Variants in SLC4A4 observed in about 807,000 individuals in gnomAD.
SLC4A4 encodes the protein electrogenic sodium bicarbonate cotransporter 1.
In SLC4A4, 27 loss-of-function variants were observed where a neutral mutation model predicts 111.5. That is an observed-to-expected ratio of 0.24 (90% confidence interval 0.18 to 0.33). The LOEUF is 0.33. SLC4A4 is among the 10% of genes least tolerant of loss of function. SLC4A4 has a pLI of 1.00. For synonymous variants in SLC4A4, 443 were observed against 463.4 expected (o/e 0.96, Z 0.57); for missense variants, 909 against 1,315.5 (o/e 0.69, Z 4.78).
intron 1 of SLC4A4, among the ~76,000 whole-genome samples, chr4:71,065,535 C>T (rs559790513): frequency 1.3e-5 from 2 of 152,036 alleles, no homozygotes; most frequent in East Asian, 1.9e-4. Flanking sequence ...GGCTGAAAGA[C>T]GTGATATAAA....
At chr4:71,348,313 TCACACACACA>T (rs35326504) in intron 4 of SLC4A4, among the ~76,000 whole-genome samples, 5,954 of 143,826 alleles carry the variant, frequency 0.041, 394 homozygotes, top group African/African-American at 0.14. Context: ...ACTAATTTAG[TCACACACACA>T]CACACACACA....
intron 3 of SLC4A4, among the ~76,000 whole-genome samples, chr4:71,258,021 T>C (rs1428244019): frequency 1.3e-5 from 2 of 152,196 alleles, no homozygotes; most frequent in Admixed American, 6.5e-5. Flanking sequence ...TATTTCTTCA[T>C]AGAGAGGCAC....
rs139942769 is a variant in SLC4A4, at chr4:71,508,869, C to G, written c.2166+11177C>G. ...GCAAAAATCTTCAACAAAATGCTGG[C>G]AAACCAAATCCAGCAGCACGTCCAG... On this transcript the variant is annotated intron_variant, in intron 16 of 25. Transcript: ENST00000264485. Among the ~76,000 whole-genome samples, 893 of 152,262 alleles carry G rather than the reference C, an allele frequency of 5.9e-3. 10 individuals are homozygous for G. Among genetic ancestry groups the G allele is most frequent in the South Asian group, 0.054 (262 of 4,826 alleles).
chr4:71,278,823 G>A (rs1402208495), intron 3 of SLC4A4, among the ~76,000 whole-genome samples: 4 of 152,040 alleles, frequency 2.6e-5, no homozygotes. Context: ...TACTATTTTT[G>A]CTGTTGAGTT....
upstream of SLC4A4, among the ~76,000 whole-genome samples, chr4:71,183,578 C>T (rs375717775): frequency 6.6e-6 from 1 of 152,142 alleles, no homozygotes; most frequent in Non-Finnish European, 1.5e-5. Flanking sequence ...TATTATCTAT[C>T]GATCTATATC....
At chr4:71,213,726 A>G (rs943940085) in intron 1 of SLC4A4, among the ~76,000 whole-genome samples, 2 of 152,148 alleles carry the variant, frequency 1.3e-5, no homozygotes, top group Admixed American at 6.5e-5. Flanking sequence ...TAATTAGGTT[A>G]TGAGGGTGGA....
intron 7 of SLC4A4, among the ~76,000 whole-genome samples, chr4:71,402,772 G>A (rs925548327): frequency 1.3e-5 from 2 of 152,224 alleles, no homozygotes; most frequent in African/African-American, 4.8e-5. Context: ...AGGTGTCCCT[G>A]AGGGGAACTT....
chr4:71,440,043 G>T (rs552217124), intron 7 of SLC4A4, among the ~76,000 whole-genome samples: 1 of 151,906 alleles, frequency 6.6e-6, no homozygotes, highest in East Asian at 1.9e-4. Flanking sequence ...TTTTGGCCTA[G>T]AATGTTCTTT....
chr4:71,327,729 G>A (rs185617158), intron 3 of SLC4A4, among the ~76,000 whole-genome samples: 7 of 150,646 alleles, frequency 4.6e-5, no homozygotes, highest in Admixed American at 2.0e-4. Context: ...ATATATTTAC[G>A]GGGTACATGA....
At chr4:71,464,288 A>G (rs1727116031) in intron 12 of SLC4A4, among the ~76,000 whole-genome samples, 1 of 152,212 alleles carries the variant, frequency 6.6e-6, no homozygotes, top group African/African-American at 2.4e-5. Context: ...GAATTTGTTC[A>G]TATCACTTAA....
intron 2 of SLC4A4, among the ~76,000 whole-genome samples, chr4:71,129,018 A>G (rs1262713715): frequency 2.0e-5 from 3 of 152,238 alleles, no homozygotes; most frequent in Non-Finnish European, 4.4e-5. Context: ...ACCGTGGAAG[A>G]TAACCTAGGA....
At position 71,357,090 on chromosome 4, in the gene SLC4A4, G is replaced by A. The variant is rs145739451; in HGVS notation, c.633G>A (p.Lys211=). 203 of 1,613,972 alleles carry A rather than the reference G, an allele frequency of 1.3e-4. No individual in the cohort carries two copies. The highest frequency in any genetic ancestry group is 6.7e-5 in the Admixed American group (4 of 59,992). ...KDKVTYTLLR[K]HRHQTKKSNL... ...AGGTGACCTATACTTTGCTCCGGAA[G>A]CACCGGCATCAAACCAAGAAATCCA... is the stretch of plus-strand genomic sequence containing the variant. Residue 211 remains lysine (K), a synonymous_variant, in exon 6 of 26, where the codon AAG becomes AAA. Coordinates refer to ENST00000264485, the MANE Select transcript of SLC4A4 (RefSeq NM_001098484.3).
chr4:71,458,799 A>C (rs1318236397), intron 12 of SLC4A4, among the ~76,000 whole-genome samples: 1 of 152,028 alleles, frequency 6.6e-6, no homozygotes, highest in Non-Finnish European at 1.5e-5. Context: ...GCAAATTGGT[A>C]ATTGCTTTAC....
intron 1 of SLC4A4, among the ~76,000 whole-genome samples, chr4:71,075,459 C>T (rs1741784290): frequency 6.6e-6 from 1 of 152,170 alleles, no homozygotes; most frequent in Non-Finnish European, 1.5e-5. Context: ...ACTTCGTGAT[C>T]TCCAGCTTCA....
At chr4:71,197,137 C>G (rs1042727042) in intron 1 of SLC4A4, among the ~76,000 whole-genome samples, 32 of 152,002 alleles carry the variant, frequency 2.1e-4, no homozygotes, top group African/African-American at 7.3e-4. Context: ...ATTGCTTGAA[C>G]CTGGTAGGTG....
chr4:71,547,269 C>G (rs1735619361), intron 19 of SLC4A4, among the ~76,000 whole-genome samples: 1 of 151,902 alleles, frequency 6.6e-6, no homozygotes, highest in East Asian at 1.9e-4. Flanking sequence ...TAATATCTGT[C>G]TCCTATGAAA....
chr4:71,325,254 G>A (rs867821815), intron 3 of SLC4A4, among the ~76,000 whole-genome samples: 2 of 151,712 alleles, frequency 1.3e-5, no homozygotes, highest in African/African-American at 4.8e-5. Context: ...AAAAAAAAAG[G>A]TTGTTCAATG....
chr4:71,474,121 A>ATT (rs1728133438), intron 14 of SLC4A4, among the ~76,000 whole-genome samples: 1 of 147,500 alleles, frequency 6.8e-6, no homozygotes, highest in African/African-American at 2.4e-5. Context: ...CCCTGTCAAA[A>ATT]AAAAAAAAAA....
At chr4:71,451,365 C>T (rs951733405) in intron 11 of SLC4A4, 64 bp downstream of exon 11, 2 of 1,029,466 alleles carry the variant, frequency 1.9e-6, no homozygotes, top group Non-Finnish European at 3.1e-6. Flanking sequence ...TTCCCTTCAT[C>T]TATCAACATA....
Sources: allele counts gnomAD v4.1 joint callset (sites outside exome capture counted in the v4.1 genomes callset), GRCh38; gene constraint gnomAD v4.1.1; transcripts MANE v1.5; gene names NCBI Gene and HGNC (gene_info 2026-07-23, HGNC 2026-07-21).